The following PLA2G6 variants were observed in gnomAD, a reference collection of about 807,000 sequenced individuals.
The protein encoded by PLA2G6 is phospholipase A2 group VI.
Under a neutral mutation model 83.8 loss-of-function variants are expected in PLA2G6, and 62 were observed. The observed-to-expected ratio is 0.74, with a 90% CI of 0.60 to 0.91. PLA2G6 has a LOEUF of 0.91. Among genes scored for constraint, PLA2G6 ranks in the 40% least tolerant of loss-of-function variants. PLA2G6 has a pLI of 0.00. For synonymous variants in PLA2G6, 417 were observed against 449.8 expected (o/e 0.93, Z 0.92); for missense variants, 944 against 1,102.0 (o/e 0.86, Z 2.03).
At chr22:38,116,869 A>AAAC (rs2087236669) in intron 12 of PLA2G6, among the ~76,000 whole-genome samples, 1 of 151,008 alleles carries the variant, frequency 6.6e-6, no homozygotes, top group African/African-American at 2.4e-5. Context: ...AAAAAAAAAA[A>AAAC]AAAAAAACAG....
Position 38,123,371 on chromosome 22 carries a change from C to CCTCGGGTCCGTCTG in PLA2G6, c.1428-114_1428-113insCAGACGGACCCGAG. On this transcript the variant is annotated intron_variant, in intron 10 of 16. Coordinates refer to ENST00000332509, the MANE Select transcript of PLA2G6 (RefSeq NM_003560.4). This position sits in a 1 kb window ranked among gnomAD's most constrained non-coding sequence, Gnocchi z 4.1. ...CTGTGTCCTGGCAGACAGACCCAGA[C>CCTCGGGTCCGTCTG]GGACCCGAGGAACTTCTGTCCTATG... 1 of 1,135,102 alleles carries CCTCGGGTCCGTCTG rather than the reference C, an allele frequency of 8.8e-7. No homozygotes were observed. The highest frequency in any genetic ancestry group is 1.3e-6 in the Non-Finnish European group (1 of 777,894). 70.3% of individuals were successfully genotyped at this position (1,135,102 alleles called of 1,614,324 possible). A position where few individuals can be genotyped will look rare whatever the true frequency, so the allele number is the denominator to read the frequency against.
At chr22:38,139,949 AG>A (rs1346002521) in intron 5 of PLA2G6, 32 bp downstream of exon 5, 1 of 1,506,424 alleles carries the variant, frequency 6.6e-7, no homozygotes. Context: ...GGAGCCCAGC[AG>A]GCCAGCAGAT....
Position 38,169,317 on chromosome 22 carries a change from C to A in PLA2G6, c.110G>T (p.Arg37Leu), listed in dbSNP as rs374310914. 3 of 1,614,088 alleles carry A rather than the reference C, an allele frequency of 1.9e-6. No individual in the cohort carries two copies. In the African/African-American group the frequency reaches 4.0e-5, roughly 22 times the overall value. The change falls in exon 2 of 17, where the codon CGA becomes CTA. Residue 37 changes from arginine (R) to leucine (L), a missense_variant. Coordinates refer to ENST00000332509, the MANE Select transcript of PLA2G6 (RefSeq NM_003560.4). ...AATCAGCTGCCCTTCCTCCCGAACT[C>A]GGTCACTCGAGGTGTAGTCGGCCAC... Reference protein sequence around the residue: ...VAVADYTSSDRVREEGQLILF... With the variant: ...VAVADYTSSDLVREEGQLILF...
intron 14 of PLA2G6, among the ~76,000 whole-genome samples, chr22:38,114,195 T>C (rs1479598367): frequency 6.6e-6 from 1 of 151,438 alleles, no homozygotes; most frequent in Non-Finnish European, 1.5e-5. Context: ...TTTTTTTTTT[T>C]TTTGAGACGG....
Position 38,124,286 on chromosome 22 carries a change from G to A in PLA2G6, c.1428-1028C>T, listed in dbSNP as rs374894052. Among the ~76,000 whole-genome samples the A allele has an allele frequency of 1.3e-3, 195 of 152,282 alleles. 1 individual carries two copies. Among genetic ancestry groups the A allele is most frequent in the African/African-American group, 4.2e-3 (176 of 41,548 alleles). ...TGGGACTACAGGCAGGAGCCACTGC[G>A]CCTACTCTCTGTGCATATTTTTGAG... On this transcript the variant is annotated intron_variant, in intron 10 of 16. Transcript: ENST00000332509.
At chr22:38,126,277 CAG>C in intron 10 of PLA2G6, 92 bp downstream of exon 10, 2 of 924,134 alleles carry the variant, frequency 2.2e-6, no homozygotes, top group African/African-American at 1.6e-5. Flanking sequence ...TGTGAGGGTG[CAG>C]AGAGTAAAGC....
At chr22:38,125,627 C>T (rs1056317831) in intron 10 of PLA2G6, 4 of 468,152 alleles carry the variant, frequency 8.5e-6, no homozygotes, top group Non-Finnish European at 1.8e-5. Context: ...GAGTTGCCAC[C>T]CTGACACTCA....
intron 2 of PLA2G6, chr22:38,145,966 T>G: frequency 2.7e-6 from 1 of 376,026 alleles, no homozygotes; most frequent in Non-Finnish European, 5.1e-6. Context: ...TTCGAATTCC[T>G]GGGCTGAAGG....
At chr22:38,145,032 C>CT (rs968832533) in intron 3 of PLA2G6, 3,814 of 192,254 alleles carry the variant, frequency 0.02, 6 homozygotes, top group South Asian at 0.03. Context: ...AACGCAGCAC[C>CT]TTTTTTTTTT....
At chr22:38,161,930 C>G (rs1028625360) in intron 2 of PLA2G6, among the ~76,000 whole-genome samples, 3 of 152,076 alleles carry the variant, frequency 2.0e-5, no homozygotes, top group Non-Finnish European at 4.4e-5. Flanking sequence ...TAGGGCCGGG[C>G]AGGGTGGTTC....
At position 38,132,937 on chromosome 22, in the gene PLA2G6, G is replaced by T; in HGVS notation, c.971C>A (p.Ala324Glu). ...ACAGTCGAAGCGGTTGCGCATCACC[G>T]CCACGTGCAGGGCCGTGTTCCCCGC... ...SSAGNTALHV[A>E]VMRNRFDCAI... The change falls in exon 7 of 17, where the codon GCG becomes GAG. Residue 324 changes from alanine (A) to glutamate (E), a missense_variant. By Grantham distance (107) the Ala-to-Glu change is moderately radical. Transcript: ENST00000332509. The surrounding 1 kb of genome is among the most constrained non-coding windows in gnomAD (Gnocchi z 5.0). 1 of 1,561,222 alleles carries T rather than the reference G, an allele frequency of 6.4e-7. No homozygotes were observed. Among genetic ancestry groups the T allele is most frequent in the Non-Finnish European group, 8.7e-7 (1 of 1,153,204 alleles).
chr22:38,147,173 C>G (rs1184574515), intron 2 of PLA2G6: 1 of 152,262 alleles, frequency 6.6e-6, no homozygotes, highest in Non-Finnish European at 1.5e-5. Context: ...TCTCTGAGCC[C>G]CATTTGAAAC....
chr22:38,157,721 C>T (rs2089839091), intron 2 of PLA2G6, among the ~76,000 whole-genome samples: 1 of 152,068 alleles, frequency 6.6e-6, no homozygotes, highest in Non-Finnish European at 1.5e-5. Flanking sequence ...ACCAGCAAAT[C>T]AAATTCAACA....
At chr22:38,125,705 T>C (rs1434660149) in intron 10 of PLA2G6, 1 of 470,738 alleles carries the variant, frequency 2.1e-6, no homozygotes, top group South Asian at 1.5e-5. Flanking sequence ...TAAAACAAGG[T>C]TACAAATTCC....
At chr22:38,116,267 T>A in intron 12 of PLA2G6, 56 bp from the exon 13 acceptor site, 1 of 1,601,996 alleles carries the variant, frequency 6.2e-7, no homozygotes, top group Non-Finnish European at 8.5e-7. Context: ...CACCTTTCCC[T>A]TTCCCCACAA....
intron 5 of PLA2G6, 34 bp downstream of exon 5, chr22:38,139,940 GAGCCCAGC>G: frequency 2.0e-6 from 3 of 1,474,474 alleles, no homozygotes; most frequent in Non-Finnish European, 2.8e-6. Context: ...AGGAGAGCTG[GAGCCCAGC>G]AGGCCAGCAG....
chr22:38,145,831 A>ACACACC, intron 2 of PLA2G6, 178 bp from the exon 3 acceptor site: 1 of 601,374 alleles, frequency 1.7e-6, no homozygotes. Flanking sequence ...ACACACACAC[A>ACACACC]CACCCCTATA....
At chr22:38,147,443 C>G (rs536269334) in intron 2 of PLA2G6, 2 of 168,648 alleles carry the variant, frequency 1.2e-5, no homozygotes, top group African/African-American at 4.8e-5. Context: ...ACAGAGAGTG[C>G]GTTGATTAAC....
chr22:38,144,289 C>T (rs2089101514), intron 3 of PLA2G6: 1 of 152,072 alleles, frequency 6.6e-6, no homozygotes, highest in African/African-American at 2.4e-5. Context: ...CTCTTTCACC[C>T]TCTCTGGCTG....
Sources: allele counts gnomAD v4.1 joint callset (sites outside exome capture counted in the v4.1 genomes callset), GRCh38; gene constraint gnomAD v4.1.1; non-coding constraint Gnocchi (gnomAD v3.1); transcripts MANE v1.5; gene names NCBI Gene and HGNC (gene_info 2026-07-23, HGNC 2026-07-21).